Variants in DAB1 observed in about 807,000 individuals in gnomAD.
The protein encoded by DAB1 is disabled homolog 1.
A neutral mutation model predicts 64.6 loss-of-function variants in DAB1; 15 were observed. That is an observed-to-expected ratio of 0.23 (90% CI 0.16 to 0.36). The LOEUF is 0.36. DAB1 is among the 10% of genes least tolerant of loss of function. DAB1 has a pLI of 1.00. For missense variants in DAB1, 596 were observed against 706.7 expected, an observed-to-expected ratio of 0.84 and a Z score of 1.78; for synonymous variants, 235 against 251.9, an observed-to-expected ratio of 0.93 and a Z score of 0.64.
rs928808162 is a variant in DAB1, at chr1:57,401,303, T to C, written c.-137+22627A>G. ...ATTTGTATCTTGTTTTCTCTTTCCCTATAACATCTCTAAAATGCAATGTAG... is the reference window on the plus strand; with the variant it reads ...ATTTGTATCTTGTTTTCTCTTTCCCCATAACATCTCTAAAATGCAATGTAG... On this transcript the variant is annotated intron_variant, in intron 1 of 14. Coordinates refer to ENST00000371236, the MANE Select transcript of DAB1 (RefSeq NM_001365792.1). Among the ~76,000 whole-genome samples the C allele has an allele frequency of 1.1e-4, 17 of 152,218 alleles. 1 individual carries two copies. The highest frequency in any genetic ancestry group is 1.1e-3 in the Admixed American group (17 of 15,266).
chr1:57,643,254 T>G (rs1646152981), intron 7 of DAB1, among the ~76,000 whole-genome samples: 1 of 152,210 alleles, frequency 6.6e-6, no homozygotes, highest in African/African-American at 2.4e-5. Flanking sequence ...TTACCTCTTC[T>G]CTTTGCATGG....
intron 2 of DAB1, among the ~76,000 whole-genome samples, chr1:57,230,422 A>C (rs1035041983): frequency 2.0e-5 from 3 of 152,142 alleles, no homozygotes; most frequent in African/African-American, 7.2e-5. Flanking sequence ...TCATTATGAT[A>C]AGGAAATAGA....
chr1:57,555,104 G>A (rs1454262305), intron 7 of DAB1, among the ~76,000 whole-genome samples: 1 of 130,168 alleles, frequency 7.7e-6, no homozygotes, highest in Non-Finnish European at 1.5e-5. Flanking sequence ...GCACTATCTC[G>A]GCTCACTGTA....
intron 4 of DAB1, among the ~76,000 whole-genome samples, chr1:58,332,710 A>G (rs1662999886): frequency 6.6e-6 from 1 of 152,198 alleles, no homozygotes; most frequent in African/African-American, 2.4e-5. Flanking sequence ...ATAATCAAAT[A>G]CAATCAGGAC....
At chr1:57,202,063 C>T (rs115293644) in intron 2 of DAB1, among the ~76,000 whole-genome samples, 1,649 of 152,248 alleles carry the variant, frequency 0.011, 32 homozygotes, top group African/African-American at 0.038. Flanking sequence ...CATATTTCTG[C>T]CAAGCAGAGG....
intron 4 of DAB1, among the ~76,000 whole-genome samples, chr1:58,319,952 G>C (rs1662644808): frequency 6.6e-6 from 1 of 152,178 alleles, no homozygotes. Context: ...GTGTATAATA[G>C]AGAGCGGGTC....
At chr1:57,879,813 A>G (rs1010293318) in intron 1 of DAB1, among the ~76,000 whole-genome samples, 1 of 152,170 alleles carries the variant, frequency 6.6e-6, no homozygotes, top group South Asian at 2.1e-4. Context: ...CTTCATCCCC[A>G]GAACAAGCCC....
At chr1:58,119,822 G>A (rs1398969821) in intron 5 of DAB1, among the ~76,000 whole-genome samples, 1 of 152,152 alleles carries the variant, frequency 6.6e-6, no homozygotes, top group Non-Finnish European at 1.5e-5. Context: ...TAATAGTCCT[G>A]CAGAGAAAGG....
intron 5 of DAB1, among the ~76,000 whole-genome samples, chr1:58,142,935 C>G (rs1654369589): frequency 6.6e-6 from 1 of 152,096 alleles, no homozygotes; most frequent in Non-Finnish European, 1.5e-5. Flanking sequence ...GGCAATGGCT[C>G]TCAAAGTTGT....
intron 5 of DAB1, among the ~76,000 whole-genome samples, chr1:58,148,778 C>G (rs542937630): frequency 4.0e-5 from 6 of 151,810 alleles, no homozygotes; most frequent in East Asian, 3.9e-4. Context: ...AAATCACACC[C>G]CCCCCCCAAC....
At chr1:57,285,175 A>G (rs1395054874) in intron 2 of DAB1, among the ~76,000 whole-genome samples, 1 of 152,236 alleles carries the variant, frequency 6.6e-6, no homozygotes, top group Non-Finnish European at 1.5e-5. Context: ...TTCAGAAAGA[A>G]GAGGACAGAG....
chr1:58,099,778 C>T (rs1361542345), intron 5 of DAB1, among the ~76,000 whole-genome samples: 2 of 152,200 alleles, frequency 1.3e-5, no homozygotes, highest in African/African-American at 4.8e-5. Flanking sequence ...ACAACTTGCA[C>T]AGGAAAAAAG....
intron 2 of DAB1, among the ~76,000 whole-genome samples, chr1:58,523,064 G>A (rs538064495): frequency 5.3e-5 from 8 of 152,322 alleles, no homozygotes; most frequent in African/African-American, 1.7e-4. Context: ...ATTGTCTAAT[G>A]TCAATTTGTT....
chr1:58,018,911 G>A lies in DAB1; in HGVS notation n.387+131600C>T, dbSNP rs527289637. Reference sequence around the variant, plus strand: ...TGACTACTGCCTTGGAAATCTGGCAGGAGCATTAAGGTGACATTTGAAAAT... The same window carrying A: ...TGACTACTGCCTTGGAAATCTGGCAAGAGCATTAAGGTGACATTTGAAAAT... On this transcript the variant is annotated intron_variant and non_coding_transcript_variant, in intron 5 of 20. Coordinates refer to the DAB1 transcript ENST00000485760. 8.5e-5 allele frequency among the ~76,000 whole-genome samples: 13 copies of A among 152,308 alleles called. 1 individual carries two copies. Among genetic ancestry groups the A allele is most frequent in the African/African-American group, 2.9e-4 (12 of 41,568 alleles).
intron 6 of DAB1, among the ~76,000 whole-genome samples, chr1:57,724,605 T>C (rs1412465409): frequency 6.6e-6 from 1 of 152,192 alleles, no homozygotes; most frequent in African/African-American, 2.4e-5. Context: ...GAAATAGTCA[T>C]GTTACAAATT....
intron 4 of DAB1, among the ~76,000 whole-genome samples, chr1:58,327,848 C>T (rs184210555): frequency 6.6e-6 from 1 of 152,066 alleles, no homozygotes; most frequent in Non-Finnish European, 1.5e-5. Context: ...GAAATAAGCA[C>T]TATCATATTA....
intron 5 of DAB1, among the ~76,000 whole-genome samples, chr1:57,972,413 T>C (rs547733567): frequency 1.2e-4 from 18 of 152,176 alleles, no homozygotes; most frequent in African/African-American, 4.3e-4. Flanking sequence ...ATGTTTTTAA[T>C]TTTATTTTTT....
intron 3 of DAB1, among the ~76,000 whole-genome samples, chr1:58,492,665 G>C (rs1225718274): frequency 6.6e-6 from 1 of 152,154 alleles, no homozygotes; most frequent in Non-Finnish European, 1.5e-5. Flanking sequence ...AGAAAATCTG[G>C]AAGAAATGGA....
intron 5 of DAB1, chr1:58,084,631 G>A (rs990073377): frequency 6.5e-6 from 1 of 153,704 alleles, no homozygotes; most frequent in East Asian, 1.9e-4. Context: ...TGGGTTGCCA[G>A]AGACCTGGGA....
Sources: allele counts gnomAD v4.1 joint callset (sites outside exome capture counted in the v4.1 genomes callset), GRCh38; gene constraint gnomAD v4.1.1; transcripts MANE v1.5; gene names NCBI Gene and HGNC (gene_info 2026-07-23, HGNC 2026-07-21).